POU6F2: variants seen among roughly 807,000 people sequenced by gnomAD.
The protein encoded by POU6F2 is POU domain, class 6, transcription factor 2.
In POU6F2, 31 loss-of-function variants were observed where a neutral mutation model predicts 71.3. That is an observed-to-expected ratio of 0.43 (90% confidence interval 0.33 to 0.59). The LOEUF is 0.59. Ranked by LOEUF, POU6F2 falls within the 20% of genes least tolerant of loss-of-function variation. The pLI, the probability that POU6F2 is intolerant of heterozygous loss-of-function variation, is 0.04. For missense variants in POU6F2, 783 were observed against 856.8 expected, an observed-to-expected ratio of 0.91 and a Z score of 1.07; for synonymous variants, 347 against 355.7, an observed-to-expected ratio of 0.98 and a Z score of 0.27.
intron 7 of POU6F2, among the ~76,000 whole-genome samples, chr7:39,445,709 A>C (rs11970896): frequency 0.31 from 47,136 of 151,828 alleles, 7,840 homozygotes; most frequent in East Asian, 0.58. Flanking sequence ...GATGTCAACA[A>C]TAAATCTCTC....
chr7:39,195,003 C>T (rs532271944), intron 2 of POU6F2, among the ~76,000 whole-genome samples: 1 of 152,324 alleles, frequency 6.6e-6, no homozygotes, highest in South Asian at 2.1e-4. Context: ...CTGTAACACT[C>T]ACCACGAGGG....
In POU6F2 at chr7:39,464,170, T is replaced by G; in HGVS notation, c.1659-12T>G. On this transcript the variant is annotated splice_polypyrimidine_tract_variant and intron_variant, in intron 9 of 9. Coordinates refer to ENST00000518318, the MANE Select transcript of POU6F2 (RefSeq NM_001370959.1). This position sits in a 1 kb window ranked among gnomAD's most constrained non-coding sequence, Gnocchi z 4.1. ...CAGTGTAAGACTGTTCTTTCTCAAT[T>G]TTCCCCCCCAGACACACCATCCTGA... The G allele has an allele frequency of 6.2e-7, 1 of 1,611,060 alleles. No individual in the cohort carries two copies. The highest frequency in any genetic ancestry group is 8.5e-7 in the Non-Finnish European group (1 of 1,178,038).
chr7:39,168,322 G>A (rs62442233), intron 2 of POU6F2, among the ~76,000 whole-genome samples: 16,485 of 152,202 alleles, frequency 0.11, 987 homozygotes, highest in Middle Eastern at 0.14. Flanking sequence ...GGTACATGGA[G>A]CAGGGAGTAT....
chr7:39,100,237 T>A (rs553842141), intron 2 of POU6F2, among the ~76,000 whole-genome samples: 6 of 152,234 alleles, frequency 3.9e-5, no homozygotes, highest in Non-Finnish European at 7.3e-5. Context: ...AAAAATAAGA[T>A]GGCAACCTCA....
At chr7:38,986,325 T>C (rs1327311084) in intron 1 of POU6F2, among the ~76,000 whole-genome samples, 2 of 152,116 alleles carry the variant, frequency 1.3e-5, no homozygotes, top group Non-Finnish European at 2.9e-5. Context: ...TCCTGAGTAG[T>C]ACTTTGCAGC....
In POU6F2 at chr7:39,339,743, C is replaced by A; in HGVS notation, c.700C>A (p.Pro234Thr). The A allele has an allele frequency of 6.2e-7, 1 of 1,602,376 alleles. No individual in the cohort carries two copies. The highest frequency in any genetic ancestry group is 2.2e-5 in the East Asian group (1 of 44,452). ...QQPPPSTNQH[P>T]QPAPQAPSQS... ...GCCTCCCCCGTCAACCAACCAGCAC[C>A]CGCAACCAGCCCCACAGGCGCCCTC... Residue 234 changes from proline to threonine, a missense_variant, in exon 5 of 10, where the codon CCG becomes ACG. Physicochemically the swap from Pro to Thr is conservative, Grantham distance 38 (BLOSUM62 -1). This residue lies in a region of POU6F2 where 572 missense variants were observed against 572.9 expected (regional missense o/e 1.00). Transcript: ENST00000518318.
chr7:39,221,346 C>T (rs890820255), intron 4 of POU6F2, among the ~76,000 whole-genome samples: 6 of 149,282 alleles, frequency 4.0e-5, no homozygotes, highest in Admixed American at 3.3e-4. Flanking sequence ...GTTTTATGCG[C>T]AATTTCCATT....
At chr7:38,995,899 G>C (rs982760218) in intron 1 of POU6F2, among the ~76,000 whole-genome samples, 1 of 152,140 alleles carries the variant, frequency 6.6e-6, no homozygotes, top group Non-Finnish European at 1.5e-5. Context: ...TTTACTTCTT[G>C]TATCTATCCT....
chr7:39,371,598 A>G (rs1309366937), intron 5 of POU6F2, among the ~76,000 whole-genome samples: 1 of 152,074 alleles, frequency 6.6e-6, no homozygotes, highest in Non-Finnish European at 1.5e-5. Context: ...GATCAAGTCC[A>G]CTGGCTATTC....
At chr7:39,170,730 G>A (rs1056846248) in intron 2 of POU6F2, among the ~76,000 whole-genome samples, 5 of 151,992 alleles carry the variant, frequency 3.3e-5, no homozygotes, top group Non-Finnish European at 7.4e-5. Flanking sequence ...AGCTAAAGGA[G>A]AAGAATTGTA....
intron 1 of POU6F2, among the ~76,000 whole-genome samples, chr7:39,000,991 T>C (rs967173504): frequency 6.6e-6 from 1 of 152,160 alleles, no homozygotes; most frequent in African/African-American, 2.4e-5. Context: ...TTAAAATGAG[T>C]TTCATGGCAT....
chr7:39,261,524 A>C (rs1447030195), intron 4 of POU6F2, among the ~76,000 whole-genome samples: 1 of 152,172 alleles, frequency 6.6e-6, no homozygotes, highest in East Asian at 1.9e-4. Flanking sequence ...TATCTCATTG[A>C]ATCTTCCCCA....
intron 1 of POU6F2, chr7:39,013,515 A>C (rs1314527982): frequency 6.4e-6 from 1 of 155,994 alleles, no homozygotes; most frequent in Non-Finnish European, 1.4e-5. Context: ...GGAGCTGTGG[A>C]CTGGAGCTGT....
At chr7:39,157,796 G>A (rs908532297) in intron 2 of POU6F2, among the ~76,000 whole-genome samples, 5 of 152,328 alleles carry the variant, frequency 3.3e-5, no homozygotes, top group African/African-American at 7.2e-5. Flanking sequence ...AACAGGCAAC[G>A]AATTGTTGGA....
intron 1 of POU6F2, among the ~76,000 whole-genome samples, chr7:39,054,779 C>T (rs1409070767): frequency 1.1e-4 from 2 of 17,502 alleles, no homozygotes; most frequent in Admixed American, 1.5e-3. Context: ...TTTGGAGACA[C>T]TTAAAAAAAA....
At chr7:39,154,432 G>A (rs1322612910) in intron 2 of POU6F2, among the ~76,000 whole-genome samples, 1 of 152,188 alleles carries the variant, frequency 6.6e-6, no homozygotes, top group Non-Finnish European at 1.5e-5. Context: ...TACTAGCACA[G>A]CAAGTGCTCC....
At chr7:39,242,200 A>G (rs182281569) in intron 4 of POU6F2, among the ~76,000 whole-genome samples, 2 of 152,158 alleles carry the variant, frequency 1.3e-5, no homozygotes, top group East Asian at 1.9e-4. Context: ...GTGAACATAA[A>G]TTTTTATTTA....
At chr7:39,006,528 A>C (rs1789075684) in intron 1 of POU6F2, among the ~76,000 whole-genome samples, 1 of 152,196 alleles carries the variant, frequency 6.6e-6, no homozygotes, top group Non-Finnish European at 1.5e-5. Flanking sequence ...TGTACCTACA[A>C]GCCACACCTT....
intron 1 of POU6F2, among the ~76,000 whole-genome samples, chr7:39,029,923 C>A (rs527886094): frequency 1.9e-4 from 29 of 152,174 alleles, no homozygotes; most frequent in African/African-American, 7.0e-4. Flanking sequence ...TTTATATACA[C>A]TACTAGATTC....
Sources: allele counts gnomAD v4.1 joint callset (sites outside exome capture counted in the v4.1 genomes callset), GRCh38; gene constraint gnomAD v4.1.1; regional missense constraint gnomAD v4.1.1; non-coding constraint Gnocchi (gnomAD v3.1); transcripts MANE v1.5; gene names NCBI Gene and HGNC (gene_info 2026-07-23, HGNC 2026-07-21).